Variants in DCAF4 observed in about 807,000 individuals in gnomAD.
DCAF4 encodes DDB1- and CUL4-associated factor 4.
A neutral mutation model predicts 60.9 loss-of-function variants in DCAF4; 37 were observed. That is an observed-to-expected ratio of 0.61 (90% CI 0.47 to 0.80). The LOEUF (loss-of-function observed/expected upper bound fraction) is 0.80. DCAF4 is among the 30% of genes least tolerant of loss of function. The probability of loss-of-function intolerance (pLI) is 0.00; values close to 1 mark genes in which losing one functional copy is unlikely to be tolerated. For synonymous variants in DCAF4, 243 were observed against 254.8 expected, an observed-to-expected ratio of 0.95 and a Z score of 0.44; for missense variants, 577 against 650.0, an observed-to-expected ratio of 0.89 and a Z score of 1.22.
At chr14:72,942,963 G>C in intron 5 of DCAF4, 31 bp from the exon 6 acceptor site, 1 of 1,602,956 alleles carries the variant, frequency 6.2e-7, no homozygotes, top group Non-Finnish European at 8.5e-7. Flanking sequence ...GTCAGCTTCA[G>C]CATCCATGCC....
chr14:72,947,375 A>G (rs1485634027), intron 8 of DCAF4, among the ~76,000 whole-genome samples, 184 bp downstream of exon 8: 1 of 152,364 alleles, frequency 6.6e-6, no homozygotes, highest in East Asian at 1.9e-4. Flanking sequence ...CCCGTGGAGC[A>G]CAGAGAAGCA....
intron 11 of DCAF4, among the ~76,000 whole-genome samples, chr14:72,955,035 C>T (rs143663783): frequency 0.01 from 1,516 of 151,192 alleles, 22 homozygotes; most frequent in Non-Finnish European, 0.013. Flanking sequence ...TGCCTGAACC[C>T]GGGAGGCGGA....
In DCAF4 at chr14:72,954,151, A is replaced by G; in HGVS notation, c.809-13A>G. 1.9e-6 allele frequency: 3 copies of G among 1,613,816 alleles called. No individual in the cohort carries two copies. The highest frequency in any genetic ancestry group is 2.2e-5 in the East Asian group (1 of 44,852). On this transcript the variant is annotated splice_polypyrimidine_tract_variant and intron_variant, in intron 9 of 13. Coordinates refer to ENST00000358377, the MANE Select transcript of DCAF4 (RefSeq NM_015604.4). ...AGGCAGCCACACTTTACATTCTCCT[A>G]TCCCCTTAGCAGGAATAGACCGGCC...
In DCAF4 at chr14:72,959,630, TA is replaced by T; in HGVS notation, c.*829del. On this transcript the variant is annotated 3_prime_UTR_variant, in exon 14 of 14. Transcript: ENST00000358377. ...AAGAGCCTGTTTTTCTACCAAACAA[TA>T]AAACCAAGAGAAGAATCATGGTGTG... 1 of 985,422 alleles carries T rather than the reference TA, an allele frequency of 1.0e-6. No individual in the cohort carries two copies. The allele number at this position is 985,422 out of a possible 1,614,324, so 61.0% of individuals were successfully genotyped here. A position where few individuals can be genotyped will look rare whatever the true frequency, so the allele number is the denominator to read the frequency against.
chr14:72,958,964 T>G lies in DCAF4; in HGVS notation c.*159T>G. 1 of 1,305,942 alleles carries G rather than the reference T, an allele frequency of 7.7e-7. No individual in the cohort carries two copies. Among genetic ancestry groups the G allele is most frequent in the Non-Finnish European group, 9.7e-7 (1 of 1,030,876 alleles). The allele number at this position is 1,305,942 out of a possible 1,614,324, so 80.9% of individuals were successfully genotyped here. ...AAGTGCTGAATGTTCCGTGTGGAGA[T>G]GCTCAGGAAAGTTATTTGAGTTAAA... On this transcript the variant is annotated 3_prime_UTR_variant, in exon 14 of 14. Coordinates refer to ENST00000358377, the MANE Select transcript of DCAF4 (RefSeq NM_015604.4).
At position 72,959,493 on chromosome 14, in the gene DCAF4, T is replaced by C; in HGVS notation, c.*688T>C. On this transcript the variant is annotated 3_prime_UTR_variant, in exon 14 of 14. Transcript: ENST00000358377. ...AGAATGTAAGGTTCAGCAGCTCTGG[T>C]TTCTATTACGGTGACTTGAATGTCA... 4.1e-6 allele frequency: 4 copies of C among 985,614 alleles called. No individual in the cohort carries two copies. Among genetic ancestry groups the C allele is most frequent in the Non-Finnish European group, 4.8e-6 (4 of 829,930 alleles). The allele number at this position is 985,614 out of a possible 1,614,324, so 61.1% of individuals were successfully genotyped here.
chr14:72,961,664 C>T (rs61988551), downstream of DCAF4, among the ~76,000 whole-genome samples: 7,239 of 152,332 alleles, frequency 0.048, 232 homozygotes, highest in Non-Finnish European at 0.075. Flanking sequence ...CCTTCTGTCC[C>T]TCAACCTCAC....
intron 13 of DCAF4, chr14:72,958,198 A>G (rs1892541805): frequency 5.3e-6 from 1 of 188,606 alleles, no homozygotes; most frequent in Non-Finnish European, 1.1e-5. Flanking sequence ...GCTTGGGCCC[A>G]GGAGTTCAAG....
At chr14:72,948,857 T>C (rs1342214610) in intron 8 of DCAF4, among the ~76,000 whole-genome samples, 1 of 152,230 alleles carries the variant, frequency 6.6e-6, no homozygotes, top group African/African-American at 2.4e-5. Context: ...GATGGAATTC[T>C]TTCTACACTT....
chr14:72,956,777 G>A (rs1892357975), intron 13 of DCAF4: 1 of 387,762 alleles, frequency 2.6e-6, no homozygotes, highest in African/African-American at 2.1e-5. Context: ...TGGGGAGCCT[G>A]GGTTTGGAGT....
chr14:72,937,307 T>C (rs1471550841), intron 1 of DCAF4, among the ~76,000 whole-genome samples: 1 of 151,990 alleles, frequency 6.6e-6, no homozygotes, highest in Admixed American at 6.6e-5. Flanking sequence ...GGAGCAGTGA[T>C]ACCTGTTGTC....
chr14:72,945,021 G>A (rs755795454), intron 6 of DCAF4, among the ~76,000 whole-genome samples: 15 of 151,944 alleles, frequency 9.9e-5, no homozygotes, highest in African/African-American at 2.9e-4. Flanking sequence ...CCTGGGAGTC[G>A]GAGATTTCAG....
intron 6 of DCAF4, among the ~76,000 whole-genome samples, chr14:72,944,970 TC>T: frequency 6.6e-6 from 1 of 152,214 alleles, no homozygotes; most frequent in South Asian, 2.1e-4. Flanking sequence ...GCACCTGTAG[TC>T]CCAGCTACTC....
At chr14:72,949,440 A>C (rs980859841) in intron 8 of DCAF4, among the ~76,000 whole-genome samples, 4 of 152,116 alleles carry the variant, frequency 2.6e-5, no homozygotes, top group African/African-American at 9.7e-5. Context: ...TGGGTGAAAG[A>C]GAGAGACCCT....
At chr14:72,930,672 T>C (rs765509782) in intron 1 of DCAF4, among the ~76,000 whole-genome samples, 1 of 152,188 alleles carries the variant, frequency 6.6e-6, no homozygotes, top group Admixed American at 6.5e-5. Context: ...GTGTGAGTTT[T>C]GGGTGTCATA....
intron 8 of DCAF4, among the ~76,000 whole-genome samples, chr14:72,947,940 A>G (rs572099200): frequency 3.9e-5 from 6 of 152,126 alleles, no homozygotes; most frequent in Non-Finnish European, 8.8e-5. Flanking sequence ...GACTCACCCA[A>G]AACCACATGT....
chr14:72,953,932 T>G (rs1016332692), intron 9 of DCAF4, among the ~76,000 whole-genome samples: 1 of 150,194 alleles, frequency 6.7e-6, no homozygotes, highest in Non-Finnish European at 1.5e-5. Context: ...TCAGTACTAT[T>G]CGTACTGTAA....
chr14:72,953,826 G>GTGTATGTGTA lies in DCAF4; in HGVS notation c.809-333_809-332insGTGTATGTAT, dbSNP rs1157811892. 5.1e-4 allele frequency among the ~76,000 whole-genome samples: 44 copies of GTGTATGTGTA among 86,586 alleles called. 3 individuals are homozygous for GTGTATGTGTA. The highest frequency in any genetic ancestry group is 2.0e-3 in the African/African-American group (44 of 22,044). 56.8% of individuals were successfully genotyped at this position (86,586 alleles called of 152,430 possible). On this transcript the variant is annotated intron_variant, in intron 9 of 13. Transcript: ENST00000358377. Reference sequence around the variant, plus strand: ...TGTGTGTGTGTGTGTGTGTGTGTGTGTGTATATACACACACACTTGCCTGA... The same window carrying GTGTATGTGTA: ...TGTGTGTGTGTGTGTGTGTGTGTGTGTGTATGTGTATGTATATACACACACACTTGCCTGA...
intron 3 of DCAF4, 39 bp from the exon 4 acceptor site, chr14:72,940,181 A>G (rs376438962): frequency 3.7e-5 from 59 of 1,613,066 alleles, no homozygotes; most frequent in Non-Finnish European, 5.0e-5. Flanking sequence ...GTCAGTTCAC[A>G]GTGGTTGAAA....
Sources: allele counts gnomAD v4.1 joint callset (sites outside exome capture counted in the v4.1 genomes callset), GRCh38; gene constraint gnomAD v4.1.1; transcripts MANE v1.5; gene names NCBI Gene and HGNC (gene_info 2026-07-23, HGNC 2026-07-21).